The following CFDP1 variants were observed in gnomAD, a reference collection of about 807,000 sequenced individuals.
The protein encoded by CFDP1 is chromatin remodeling protein CFDP1, also known as heterochromatin-stabilizing protein CFDP1.
CFDP1 carries 31 observed loss-of-function variants against 40.1 expected under a neutral mutation model. The observed-to-expected ratio is 0.77, with a 90% CI of 0.58 to 1.04. The LOEUF is 1.04. Among genes scored for constraint, CFDP1 ranks in the 50% least tolerant of loss-of-function variants. The pLI is 0.00. For synonymous variants in CFDP1, 167 were observed against 120.0 expected (o/e 1.39, Z -2.56); for missense variants, 423 against 343.4 (o/e 1.23, Z -1.83).
At chr16:75,415,565 C>T (rs892834350) in intron 1 of CFDP1, among the ~76,000 whole-genome samples, 1 of 152,194 alleles carries the variant, frequency 6.6e-6, no homozygotes, top group Non-Finnish European at 1.5e-5. Context: ...ATCCTGACTT[C>T]TAAAGTCACG....
At chr16:75,358,719 G>A (rs937419504) in intron 5 of CFDP1, among the ~76,000 whole-genome samples, 7 of 151,860 alleles carry the variant, frequency 4.6e-5, no homozygotes, top group African/African-American at 1.2e-4. Flanking sequence ...CTCTTTTCTC[G>A]AAAGTGAACA....
At chr16:75,426,681 A>C (rs1306747685) in intron 1 of CFDP1, among the ~76,000 whole-genome samples, 1 of 152,144 alleles carries the variant, frequency 6.6e-6, no homozygotes, top group Non-Finnish European at 1.5e-5. Context: ...GTTTCAAAAA[A>C]ACACCAAAAA....
intron 1 of CFDP1, among the ~76,000 whole-genome samples, chr16:75,425,976 C>G (rs1342074242): frequency 8.0e-6 from 1 of 125,002 alleles, no homozygotes; most frequent in Non-Finnish European, 1.6e-5. Context: ...GCGGAGGTTG[C>G]AGCGAGCTGA....
chr16:75,406,676 G>A (rs9927330), intron 4 of CFDP1: 25,489 of 151,782 alleles, frequency 0.17, 2,312 homozygotes, highest in Middle Eastern at 0.22. Context: ...ACTCCAGGCT[G>A]GGTTGATAGA....
intron 5 of CFDP1, among the ~76,000 whole-genome samples, chr16:75,374,672 A>G (rs1320380596): frequency 6.6e-6 from 1 of 152,114 alleles, no homozygotes; most frequent in Non-Finnish European, 1.5e-5. Context: ...ACACACAGAA[A>G]TAAAATGGGA....
chr16:75,392,698 AT>A (rs2078962278), intron 5 of CFDP1, among the ~76,000 whole-genome samples: 1 of 152,164 alleles, frequency 6.6e-6, no homozygotes, highest in Non-Finnish European at 1.5e-5. Context: ...GGGTTTCACC[AT>A]GTTGGCCAGG....
intron 5 of CFDP1, among the ~76,000 whole-genome samples, chr16:75,335,149 C>G (rs997444853): frequency 1.1e-4 from 16 of 152,128 alleles, no homozygotes; most frequent in Non-Finnish European, 1.6e-4. Flanking sequence ...TCAGGCTGGT[C>G]TTACCAGCTC....
chr16:75,298,543 G>A lies in CFDP1; in HGVS notation c.810-4501C>T, dbSNP rs371695365. On this transcript the variant is annotated intron_variant, in intron 6 of 6. Transcript: ENST00000283882. Reference sequence around the variant, plus strand: ...GAGCATTCAAGGCAGCACAGACACAGGACAAAAAGTGGGTAAATGCATTTT... The same window carrying A: ...GAGCATTCAAGGCAGCACAGACACAAGACAAAAAGTGGGTAAATGCATTTT... Among the ~76,000 whole-genome samples the A allele has an allele frequency of 4.6e-5, 7 of 152,320 alleles. No homozygotes were observed. The East Asian group carries it at 1.2e-3, about 25-fold the overall frequency.
At chr16:75,418,022 G>C (rs2079228109) in intron 1 of CFDP1, among the ~76,000 whole-genome samples, 1 of 152,028 alleles carries the variant, frequency 6.6e-6, no homozygotes, top group African/African-American at 2.4e-5. Context: ...GGGAGGCTGA[G>C]GTGGGTGTAT....
chr16:75,366,323 C>T (rs1334020763), intron 5 of CFDP1, among the ~76,000 whole-genome samples: 1 of 152,172 alleles, frequency 6.6e-6, no homozygotes, highest in Non-Finnish European at 1.5e-5. Flanking sequence ...CTCATTCATT[C>T]ATTTTTGGAT....
In CFDP1 at chr16:75,349,686, A is replaced by AT. The variant is rs56373574; in HGVS notation, c.651-44505_651-44504insA. Among the ~76,000 whole-genome samples, 57 of 8,892 alleles carry AT rather than the reference A, an allele frequency of 6.4e-3. 10 individuals are homozygous for AT. Among genetic ancestry groups the AT allele is most frequent in the Admixed American group, 8.2e-3 (3 of 364 alleles). 5.8% of individuals were successfully genotyped at this position (8,892 alleles called of 152,430 possible). A position where few individuals can be genotyped will look rare whatever the true frequency, so the allele number is the denominator to read the frequency against. On this transcript the variant is annotated intron_variant, in intron 5 of 6. Transcript: ENST00000283882. ...AAAAAAAAAAAAAAAAAAAAAAAAA[A>AT]AAAAATATATATACATACATATATA...
Position 75,406,110 on chromosome 16 carries a change from C to T in CFDP1, c.530+5715G>A, listed in dbSNP as rs1473057601. Among the ~76,000 whole-genome samples, 4 of 151,902 alleles carry T rather than the reference C, an allele frequency of 2.6e-5. 1 individual carries two copies. The highest frequency in any genetic ancestry group is 2.6e-4 in the Admixed American group (4 of 15,222). ...ATAAAATAGGCCAGGTGCAGTGGCT[C>T]ATACCTGTAATCCCAACACTTTGGG... On this transcript the variant is annotated intron_variant, in intron 4 of 6. Coordinates refer to ENST00000283882, the MANE Select transcript of CFDP1 (RefSeq NM_006324.3).
rs1402878739 is a variant in CFDP1, at chr16:75,304,169, A to T, written c.809+855T>A. Among the ~76,000 whole-genome samples, 3 of 152,024 alleles carry T rather than the reference A, an allele frequency of 2.0e-5. No individual in the cohort carries two copies. The East Asian group carries it at 5.8e-4, about 29-fold the overall frequency. ...CTGCAACCTCCACCTAGTGGGTTCA[A>T]GTGATCCTCCTGCCCCAGCCTCCCA... On this transcript the variant is annotated intron_variant, in intron 6 of 6. Coordinates refer to ENST00000283882, the MANE Select transcript of CFDP1 (RefSeq NM_006324.3).
At position 75,433,305 on chromosome 16, in the gene CFDP1, C is replaced by T. The variant is rs375394398; in HGVS notation, c.48G>A (p.Glu16=). ...SEDFSTSEED[E]DYVPSGGEYS... ...ATCGCTCACCCGACGGCACGTAGTC[C>T]TCGTCCTCCTCCGACGTAGAGAAGT... Residue 16 remains glutamate (E), a synonymous_variant, in exon 1 of 7, where the codon GAG becomes GAA. Coordinates refer to ENST00000283882, the MANE Select transcript of CFDP1 (RefSeq NM_006324.3). The T allele has an allele frequency of 3.9e-5, 63 of 1,600,832 alleles. 3 individuals are homozygous for T. The East Asian group carries it at 6.1e-4, about 15-fold the overall frequency.
intron 6 of CFDP1, among the ~76,000 whole-genome samples, chr16:75,303,637 T>C (rs1374026646): frequency 1.3e-5 from 2 of 152,060 alleles, no homozygotes; most frequent in African/African-American, 4.8e-5. Flanking sequence ...GAGACCAGCC[T>C]GGGCAACATA....
chr16:75,416,519 G>C (rs1192188026), intron 1 of CFDP1, among the ~76,000 whole-genome samples: 1 of 151,088 alleles, frequency 6.6e-6, no homozygotes, highest in African/African-American at 2.4e-5. Context: ...TCAGCCCTTT[G>C]GGAGGCCGAG....
At chr16:75,318,360 G>T (rs1291633331) in intron 5 of CFDP1, among the ~76,000 whole-genome samples, 2 of 151,548 alleles carry the variant, frequency 1.3e-5, no homozygotes, top group African/African-American at 4.8e-5. Context: ...TCAGTGGTGT[G>T]TTGTTTGGCT....
chr16:75,347,098 C>A (rs1470558981), intron 5 of CFDP1, among the ~76,000 whole-genome samples: 4 of 152,026 alleles, frequency 2.6e-5, no homozygotes, highest in East Asian at 1.9e-4. Flanking sequence ...GTAATCCCAG[C>A]ACTTTGGGAG....
At chr16:75,326,876 A>C (rs1476603967) in intron 5 of CFDP1, among the ~76,000 whole-genome samples, 2 of 152,212 alleles carry the variant, frequency 1.3e-5, no homozygotes, top group Non-Finnish European at 2.9e-5. Context: ...CACAAATAAC[A>C]TGTGAAGGGA....
Sources: gnomAD v4.1 joint callset for allele counts (sites outside exome capture counted in the v4.1 genomes callset) on GRCh38, gnomAD v4.1.1 for gene constraint, MANE v1.5 for transcripts, NCBI Gene and HGNC (gene_info 2026-07-23, HGNC 2026-07-21) for gene names.